RASAL2: variants seen among roughly 807,000 people sequenced by gnomAD.
RASAL2 encodes ras GTPase-activating protein nGAP.
In RASAL2, 58 loss-of-function variants were observed where a neutral mutation model predicts 128.9. The observed-to-expected ratio is 0.45, with a 90% confidence interval of 0.36 to 0.56. The LOEUF (loss-of-function observed/expected upper bound fraction) is 0.56, where lower values mean the gene tolerates loss of function less well. Among genes scored for constraint, RASAL2 ranks in the 20% least tolerant of loss-of-function variants. The pLI, the probability that RASAL2 is intolerant of heterozygous loss-of-function variation, is 0.00. For synonymous variants in RASAL2, 561 were observed against 580.8 expected (o/e 0.97, Z 0.49); for missense variants, 1,360 against 1,601.6 (o/e 0.85, Z 2.57).
At chr1:178,248,062 A>G (rs892343367) in intron 1 of RASAL2, among the ~76,000 whole-genome samples, 1 of 152,140 alleles carries the variant, frequency 6.6e-6, no homozygotes, top group Admixed American at 6.5e-5. Context: ...TGGGGTGGAG[A>G]GTTCTGTAGA....
At chr1:178,247,520 C>A (rs1664822550) in intron 1 of RASAL2, among the ~76,000 whole-genome samples, 1 of 152,020 alleles carries the variant, frequency 6.6e-6, no homozygotes, top group South Asian at 2.1e-4. Context: ...AGAAAACCAG[C>A]TCCTGGATTC....
chr1:178,203,444 G>A (rs1381951448), intron 1 of RASAL2, among the ~76,000 whole-genome samples: 1 of 152,144 alleles, frequency 6.6e-6, no homozygotes, highest in East Asian at 1.9e-4. Context: ...CTCTGAATCG[G>A]CATCTAATAC....
At chr1:178,292,473 C>T (rs1303880800) in intron 2 of RASAL2, among the ~76,000 whole-genome samples, 2 of 152,184 alleles carry the variant, frequency 1.3e-5, no homozygotes, top group Non-Finnish European at 2.9e-5. Context: ...GGGCAGAATG[C>T]TGAAAGAGAA....
At chr1:178,444,712 C>T (rs1649486466) in intron 8 of RASAL2, among the ~76,000 whole-genome samples, 2 of 151,824 alleles carry the variant, frequency 1.3e-5, no homozygotes, top group Non-Finnish European at 2.9e-5. Flanking sequence ...GATGGGTGGG[C>T]GGGCAGACAG....
intron 1 of RASAL2, among the ~76,000 whole-genome samples, chr1:178,121,824 C>T (rs1476559325): frequency 1.3e-5 from 2 of 152,082 alleles, no homozygotes; most frequent in Non-Finnish European, 2.9e-5. Flanking sequence ...CAACCCTGAA[C>T]CTCTCTGAGT....
intron 1 of RASAL2, among the ~76,000 whole-genome samples, chr1:178,280,502 C>T (rs1302159011): frequency 6.6e-6 from 1 of 151,832 alleles, no homozygotes; most frequent in Non-Finnish European, 1.5e-5. Flanking sequence ...CCCATATAAA[C>T]CCATATTGAT....
chr1:178,434,214 T>C (rs548735624), intron 5 of RASAL2, among the ~76,000 whole-genome samples: 1 of 152,258 alleles, frequency 6.6e-6, no homozygotes, highest in African/African-American at 2.4e-5. Context: ...GACAAAAAGA[T>C]ATGTTATAAC....
chr1:178,419,060 C>G (rs1557974106), intron 4 of RASAL2, among the ~76,000 whole-genome samples: 2 of 151,958 alleles, frequency 1.3e-5, no homozygotes, highest in Non-Finnish European at 2.9e-5. Flanking sequence ...ATAAATATAG[C>G]CTTCACCCCA....
At chr1:178,214,259 G>C (rs376749554) in intron 1 of RASAL2, among the ~76,000 whole-genome samples, 111 of 152,078 alleles carry the variant, frequency 7.3e-4, no homozygotes, top group African/African-American at 2.6e-3. Context: ...GGATGACTGA[G>C]TGAGAACCTT....
chr1:178,367,679 T>G (rs1671476195), intron 3 of RASAL2, among the ~76,000 whole-genome samples: 1 of 152,168 alleles, frequency 6.6e-6, no homozygotes, highest in Admixed American at 6.5e-5. Flanking sequence ...ACATATTTTA[T>G]GCCCTTTATT....
Position 178,466,050 on chromosome 1 carries a change from T to G in RASAL2, c.3518T>G (p.Leu1173Arg), listed in dbSNP as rs1290745794. The change falls in exon 16 of 18, where the codon CTG becomes CGG. Residue 1173 changes from leucine (L) to arginine (R), a missense_variant. Physicochemically the swap from Leu to Arg is moderately radical, Grantham distance 102. Coordinates refer to ENST00000367649, the MANE Select transcript of RASAL2 (RefSeq NM_170692.4). ...CTGCTGCTGGAATACAAGGCCCGAC[T>G]GGAGGACAGCGAGGAGCGGCTCCGA... is the stretch of plus-strand genomic sequence containing the variant. ...QKLLLEYKARLEDSEERLRRQ... is the reference protein window; with the variant it reads ...QKLLLEYKARREDSEERLRRQ... 1 of 1,583,182 alleles carries G rather than the reference T, an allele frequency of 6.3e-7. No individual in the cohort carries two copies. The highest frequency in any genetic ancestry group is 8.6e-7 in the Non-Finnish European group (1 of 1,163,188).
At chr1:178,272,315 T>C (rs759157625) in intron 1 of RASAL2, among the ~76,000 whole-genome samples, 2 of 152,212 alleles carry the variant, frequency 1.3e-5, no homozygotes, top group Non-Finnish European at 2.9e-5. Flanking sequence ...AACTGAATTC[T>C]AAGATAGCTA....
intron 14 of RASAL2, among the ~76,000 whole-genome samples, chr1:178,460,489 T>C (rs945242416): frequency 6.6e-6 from 1 of 152,162 alleles, no homozygotes; most frequent in African/African-American, 2.4e-5. Flanking sequence ...TACATGTTTC[T>C]GTGGGTTATG....
At chr1:178,370,369 A>G (rs959609219) in intron 3 of RASAL2, among the ~76,000 whole-genome samples, 1 of 152,344 alleles carries the variant, frequency 6.6e-6, no homozygotes, top group East Asian at 1.9e-4. Flanking sequence ...CTGGTGTGTC[A>G]TGAAGTTATT....
At chr1:178,117,452 A>G (rs1244126112) in intron 1 of RASAL2, among the ~76,000 whole-genome samples, 1 of 152,254 alleles carries the variant, frequency 6.6e-6, no homozygotes, top group African/African-American at 2.4e-5. Context: ...TTTGAAGGAA[A>G]TAGTGTGATC....
In RASAL2 at chr1:178,448,635, T is replaced by A. The variant is rs1677177561; in HGVS notation, c.1628-2936T>A. On this transcript the variant is annotated intron_variant, in intron 9 of 17. Transcript: ENST00000367649. ...ATATCTCATGATTTGCTTTAATGAT[T>A]TGTGTTTTGTTAAAAAAGTCCACCA... Among the ~76,000 whole-genome samples the A allele has an allele frequency of 3.9e-5, 6 of 152,248 alleles. 1 individual carries two copies. The South Asian group carries it at 1.2e-3, about 32-fold the overall frequency.
intron 4 of RASAL2, among the ~76,000 whole-genome samples, chr1:178,391,462 G>A (rs977164137): frequency 7.2e-5 from 11 of 152,046 alleles, no homozygotes; most frequent in African/African-American, 2.4e-4. Flanking sequence ...ATTTTTTCAA[G>A]AGAAATCAAA....
chr1:178,142,941 T>C lies in RASAL2; in HGVS notation c.202+48247T>C, dbSNP rs533278785. 1.1e-4 allele frequency among the ~76,000 whole-genome samples: 17 copies of C among 151,984 alleles called. No individual in the cohort carries two copies. In the South Asian group the frequency reaches 3.3e-3, roughly 30 times the overall value. On this transcript the variant is annotated intron_variant, in intron 1 of 17. Coordinates refer to ENST00000367649, the MANE Select transcript of RASAL2 (RefSeq NM_170692.4). ...TGGGTAAAATCTAGTGCCAGTCTTC[T>C]CCTGGGTAATGGCCTGTTCTTTGTT...
chr1:178,360,091 C>G (rs1671029012), intron 3 of RASAL2, among the ~76,000 whole-genome samples: 1 of 152,154 alleles, frequency 6.6e-6, no homozygotes, highest in Non-Finnish European at 1.5e-5. Context: ...TCGTTGTTTA[C>G]TTTACTTTCA....
Sources: gnomAD v4.1 joint callset for allele counts (sites outside exome capture counted in the v4.1 genomes callset) on GRCh38, gnomAD v4.1.1 for gene constraint, MANE v1.5 for transcripts, NCBI Gene and HGNC (gene_info 2026-07-23, HGNC 2026-07-21) for gene names.